The following MYMX variants were observed in gnomAD, a reference collection of about 807,000 sequenced individuals.
The protein encoded by MYMX is protein myomixer.
chr6:44,202,476 G>C, the MYMX span, among the ~76,000 whole-genome samples: 2 of 151,248 alleles, frequency 1.3e-5, no homozygotes, highest in African/African-American at 4.9e-5. Context: ...GATTTGGTCA[G>C]TTTCCTCAAA....
chr6:44,193,976 C>T, the MYMX span, among the ~76,000 whole-genome samples: 1 of 151,824 alleles, frequency 6.6e-6, no homozygotes, highest in Non-Finnish European at 1.5e-5. Context: ...AAGAGCAAAA[C>T]TCCGTCTCCA....
the MYMX span, among the ~76,000 whole-genome samples, chr6:44,206,048 T>C: frequency 6.8e-6 from 1 of 147,110 alleles, no homozygotes; most frequent in Non-Finnish European, 1.5e-5. Flanking sequence ...TTTAGTAATA[T>C]AGGCTCTGTT....
chr6:44,199,931 C>A, the MYMX span, among the ~76,000 whole-genome samples: 2 of 152,150 alleles, frequency 1.3e-5, no homozygotes, highest in Non-Finnish European at 1.5e-5. Flanking sequence ...GCAATCCAAG[C>A]GTCTTGGCCT....
chr6:44,199,139 C>T, the MYMX span, among the ~76,000 whole-genome samples: 1 of 152,260 alleles, frequency 6.6e-6, no homozygotes, highest in African/African-American at 2.4e-5. Context: ...TCCCATATTA[C>T]CAGATTGGCC....
At chr6:44,195,144 G>A in the MYMX span, among the ~76,000 whole-genome samples, 3 of 151,818 alleles carry the variant, frequency 2.0e-5, no homozygotes, top group East Asian at 3.9e-4. Flanking sequence ...TCAGCCTCCC[G>A]AGTAGCTGGG....
chr6:44,213,666 C>A (rs1047335368), upstream of MYMX, among the ~76,000 whole-genome samples: 1 of 152,144 alleles, frequency 6.6e-6, no homozygotes, highest in Non-Finnish European at 1.5e-5. Context: ...GTGATCTGCC[C>A]GCCTTGGCCT....
chr6:44,202,855 T>A, the MYMX span, among the ~76,000 whole-genome samples: 2 of 152,202 alleles, frequency 1.3e-5, no homozygotes, highest in Non-Finnish European at 2.9e-5. Flanking sequence ...TTCCCCATTG[T>A]TCCCAGAGAC....
chr6:44,205,993 C>G, the MYMX span, among the ~76,000 whole-genome samples: 2 of 74,864 alleles, frequency 2.7e-5, no homozygotes, highest in African/African-American at 8.7e-5. Flanking sequence ...AAAAAAAAAA[C>G]AAAACAAAAA....
chr6:44,215,135 C>T (rs1775791606), upstream of MYMX, among the ~76,000 whole-genome samples: 1 of 152,136 alleles, frequency 6.6e-6, no homozygotes, highest in South Asian at 2.1e-4. Context: ...GATGATGATG[C>T]TAGTGGCGGC....
the MYMX span, among the ~76,000 whole-genome samples, chr6:44,194,365 C>T: frequency 6.6e-6 from 1 of 152,174 alleles, no homozygotes; most frequent in Admixed American, 6.5e-5. Context: ...GCAGGGGCAT[C>T]CACTGGATTT....
the MYMX span, among the ~76,000 whole-genome samples, chr6:44,207,575 C>T: frequency 6.6e-6 from 1 of 151,830 alleles, no homozygotes; most frequent in Admixed American, 6.6e-5. Flanking sequence ...TCTTGTTGCC[C>T]AGGCTGGAGT....
the MYMX span, among the ~76,000 whole-genome samples, chr6:44,201,808 T>C: frequency 0.013 from 2,027 of 152,252 alleles, 45 homozygotes; most frequent in African/African-American, 0.047. Context: ...ATAATTCCCA[T>C]TTTAGGGAGG....
chr6:44,198,508 T>G, the MYMX span, among the ~76,000 whole-genome samples: 1 of 151,086 alleles, frequency 6.6e-6, no homozygotes, highest in African/African-American at 2.4e-5. Flanking sequence ...TAATTTAATT[T>G]ATTTACTTAT....
At chr6:44,193,237 A>C in the MYMX span, among the ~76,000 whole-genome samples, 1 of 152,160 alleles carries the variant, frequency 6.6e-6, no homozygotes, top group South Asian at 2.1e-4. Flanking sequence ...AAAGAGTGCT[A>C]CTAGTCATTG....
At chr6:44,207,599 C>T in the MYMX span, among the ~76,000 whole-genome samples, 1 of 151,710 alleles carries the variant, frequency 6.6e-6, no homozygotes, top group Non-Finnish European at 1.5e-5. Context: ...ATGGCATGGT[C>T]TCGGTTAACT....
the MYMX span, among the ~76,000 whole-genome samples, chr6:44,210,449 G>T: frequency 6.6e-6 from 1 of 151,898 alleles, no homozygotes; most frequent in East Asian, 1.9e-4. Context: ...CTGGCTGATG[G>T]TTTTATTTTT....
the MYMX span, among the ~76,000 whole-genome samples, chr6:44,209,452 A>G: frequency 1.3e-5 from 2 of 152,136 alleles, no homozygotes; most frequent in South Asian, 2.1e-4. Context: ...TTTTGCTTTC[A>G]TGATATTTGC....
chr6:44,210,549 A>G, the MYMX span, among the ~76,000 whole-genome samples: 3 of 152,240 alleles, frequency 2.0e-5, no homozygotes, highest in East Asian at 5.8e-4. Flanking sequence ...CAGCCTCCCA[A>G]AATGCTGGAA....
At chr6:44,212,960 C>T (rs115369787), upstream of MYMX, among the ~76,000 whole-genome samples, 2 of 151,632 alleles carry the variant, frequency 1.3e-5, no homozygotes, top group East Asian at 1.9e-4. Context: ...CCCAGAAGGT[C>T]GAGGCTGCAG....
Sources: allele counts gnomAD v4.1 joint callset (sites outside exome capture counted in the v4.1 genomes callset), GRCh38; gene constraint gnomAD v4.1.1; transcripts MANE v1.5; gene names NCBI Gene and HGNC (gene_info 2026-07-23, HGNC 2026-07-21).